The following HECW1 variants were observed in gnomAD, a reference collection of about 807,000 sequenced individuals.
The protein encoded by HECW1 is HECT, C2 and WW domain containing E3 ubiquitin protein ligase 1.
HECW1 carries 61 observed loss-of-function variants against 182.3 expected under a neutral mutation model. The observed-to-expected ratio is 0.33, with a 90% CI of 0.27 to 0.41. The LOEUF is 0.41. HECW1 is among the 10% of genes least tolerant of loss of function. HECW1 has a pLI of 1.00. For missense variants in HECW1, 1,739 were observed against 2,108.9 expected (o/e 0.82, Z 3.44); for synonymous variants, 859 against 832.6 (o/e 1.03, Z -0.55).
chr7:43,113,988 G>T, intron 1 of HECW1, 169 bp from the exon 2 acceptor site: 1 of 323,008 alleles, frequency 3.1e-6, no homozygotes, highest in Non-Finnish European at 5.8e-6. Context: ...CTGTGGTTCC[G>T]GGCACAGCGC....
chr7:43,224,302 C>A (rs1797235757), intron 2 of HECW1, among the ~76,000 whole-genome samples: 1 of 152,202 alleles, frequency 6.6e-6, no homozygotes. Context: ...AAGACATTAT[C>A]CCTGCATCTC....
At chr7:43,262,248 G>GTGTGTA (rs1491189021) in intron 3 of HECW1, among the ~76,000 whole-genome samples, 1 of 50,400 alleles carries the variant, frequency 2.0e-5, no homozygotes, top group African/African-American at 1.6e-4. Flanking sequence ...GTATGTGTGC[G>GTGTGTA]TGTGTGTGTG....
chr7:43,480,288 C>T (rs1294191160), intron 17 of HECW1, among the ~76,000 whole-genome samples: 3 of 152,184 alleles, frequency 2.0e-5, no homozygotes, highest in African/African-American at 7.2e-5. Flanking sequence ...GGCTAAGGAT[C>T]ACTTCATTGC....
At chr7:43,114,892 T>A in intron 2 of HECW1, among the ~76,000 whole-genome samples, 1 of 152,244 alleles carries the variant, frequency 6.6e-6, no homozygotes, top group Non-Finnish European at 1.5e-5. Context: ...ATAGCATCAT[T>A]TGACTTGATT....
rs570524713 is a variant in HECW1 at position 43,550,239 on chromosome 7, G to C, written c.4249-206G>C. On this transcript the variant is annotated intron_variant, in intron 26 of 29. Transcript: ENST00000395891. Reference sequence around the variant, plus strand: ...GGAATGCAGGGCTGCAATAAGCTATGATTGCACCACTGTGCTCCAATCTGC... The same window carrying C: ...GGAATGCAGGGCTGCAATAAGCTATCATTGCACCACTGTGCTCCAATCTGC... Among the ~76,000 whole-genome samples the C allele has an allele frequency of 5.9e-5, 9 of 152,338 alleles. No homozygotes were observed. In the South Asian group the frequency reaches 1.9e-3, roughly 32 times the overall value.
chr7:43,525,761 A>T (rs1389724280), intron 24 of HECW1, among the ~76,000 whole-genome samples: 1 of 152,124 alleles, frequency 6.6e-6, no homozygotes, highest in Non-Finnish European at 1.5e-5. Flanking sequence ...ATCACTATAG[A>T]CCTCTAGGGA....
At chr7:43,412,660 G>A (rs4724204) in intron 8 of HECW1, among the ~76,000 whole-genome samples, 3 of 142,854 alleles carry the variant, frequency 2.1e-5, no homozygotes, top group African/African-American at 7.8e-5. Flanking sequence ...GTGTCCATGT[G>A]ATCTCAATGT....
chr7:43,442,927 CA>C (rs1052040959), intron 10 of HECW1, among the ~76,000 whole-genome samples: 4 of 152,180 alleles, frequency 2.6e-5, no homozygotes, highest in African/African-American at 9.7e-5. Flanking sequence ...CTACCCCCAG[CA>C]CCCACATAGG....
chr7:43,201,809 G>A (rs372029720), intron 2 of HECW1, among the ~76,000 whole-genome samples: 1 of 152,238 alleles, frequency 6.6e-6, no homozygotes, highest in East Asian at 1.9e-4. Flanking sequence ...AAAAATATAT[G>A]CTTGAAGATT....
rs147912539 is a variant in HECW1 at position 43,252,089 on chromosome 7, A to G, written c.27+8157A>G. The stretch of plus-strand genomic sequence containing the variant: ...CCCTTAACACACAGAATATTTCCAA[A>G]TGTGCATCACTATCAGAACCATACA... On this transcript the variant is annotated intron_variant, in intron 3 of 29. Coordinates refer to ENST00000395891, the MANE Select transcript of HECW1 (RefSeq NM_015052.5). Among the ~76,000 whole-genome samples the G allele has an allele frequency of 1.2e-4, 19 of 152,262 alleles. No homozygotes were observed. The East Asian group carries it at 3.7e-3, about 29-fold the overall frequency.
intron 2 of HECW1, among the ~76,000 whole-genome samples, chr7:43,233,920 G>C (rs1259293147): frequency 6.6e-6 from 1 of 152,204 alleles, no homozygotes; most frequent in South Asian, 2.1e-4. Flanking sequence ...GAGAGAGAGA[G>C]GCATGGAAAT....
chr7:43,311,476 C>G (rs1808490440), intron 3 of HECW1, among the ~76,000 whole-genome samples: 1 of 152,142 alleles, frequency 6.6e-6, no homozygotes, highest in South Asian at 2.1e-4. Context: ...CATCCCAGTC[C>G]TTCTGGTATC....
chr7:43,550,149 G>A (rs191155382), intron 26 of HECW1, among the ~76,000 whole-genome samples: 11 of 152,152 alleles, frequency 7.2e-5, no homozygotes, highest in Non-Finnish European at 1.0e-4. Context: ...TTAACCAGGC[G>A]GAGTGGGGCT....
intron 6 of HECW1, among the ~76,000 whole-genome samples, chr7:43,396,220 T>C (rs901037039): frequency 2.0e-5 from 3 of 152,168 alleles, no homozygotes; most frequent in African/African-American, 7.2e-5. Context: ...TTTAGCAACA[T>C]TGTTTTCAAA....
intron 19 of HECW1, among the ~76,000 whole-genome samples, chr7:43,493,610 T>C (rs2079015706): frequency 6.6e-6 from 1 of 152,238 alleles, no homozygotes; most frequent in Admixed American, 6.5e-5. Flanking sequence ...ACTACTTACA[T>C]CTTATGCTTC....
intron 3 of HECW1, among the ~76,000 whole-genome samples, chr7:43,285,734 C>A (rs562251093): frequency 6.6e-6 from 1 of 152,162 alleles, no homozygotes; most frequent in East Asian, 1.9e-4. Flanking sequence ...GTCAAGGCTG[C>A]AGTGAGCCGT....
At chr7:43,435,242 T>C (rs2076674508) in intron 8 of HECW1, among the ~76,000 whole-genome samples, 1 of 152,084 alleles carries the variant, frequency 6.6e-6, no homozygotes, top group Non-Finnish European at 1.5e-5. Flanking sequence ...TTAGAAGATA[T>C]ATTATAATAC....
chr7:43,235,788 G>A (rs570241708), intron 2 of HECW1, among the ~76,000 whole-genome samples: 3 of 152,192 alleles, frequency 2.0e-5, no homozygotes, highest in South Asian at 4.2e-4. Flanking sequence ...ATGGGTGTGG[G>A]TGGCATTCTC....
At position 43,445,350 on chromosome 7, in the gene HECW1, G is replaced by C; in HGVS notation, c.2178G>C (p.Lys726Asn). ...HTRFSSVDSA[K>N]ISESTVFSSQ... ...GCTTCTCCTCCGTGGACAGCGCCAAGATCTCCGAGAGCACGGTCTTCTCCT... is the reference window on the plus strand; with the variant it reads ...GCTTCTCCTCCGTGGACAGCGCCAACATCTCCGAGAGCACGGTCTTCTCCT... The change falls in exon 11 of 30, where the codon AAG becomes AAC. Residue 726 changes from lysine (K) to asparagine (N), a missense_variant. Coordinates refer to ENST00000395891, the MANE Select transcript of HECW1 (RefSeq NM_015052.5). 1.2e-6 allele frequency: 2 copies of C among 1,613,794 alleles called. No homozygotes were observed. The highest frequency in any genetic ancestry group is 1.7e-6 in the Non-Finnish European group (2 of 1,180,034).
Sources: allele counts gnomAD v4.1 joint callset (sites outside exome capture counted in the v4.1 genomes callset), GRCh38; gene constraint gnomAD v4.1.1; transcripts MANE v1.5; gene names NCBI Gene and HGNC (gene_info 2026-07-23, HGNC 2026-07-21).